The following PLCXD3 variants were observed in gnomAD, a reference collection of about 807,000 sequenced individuals.
The protein encoded by PLCXD3 is PI-PLC X domain-containing protein 3.
Under a neutral mutation model 25.5 loss-of-function variants are expected in PLCXD3, and 19 were observed. The observed-to-expected ratio is 0.75, with a 90% CI of 0.52 to 1.09. The LOEUF is 1.09. PLCXD3 is among the 50% of genes least tolerant of loss of function. The pLI, the probability that PLCXD3 is intolerant of heterozygous loss-of-function variation, is 0.00. For missense variants in PLCXD3, 411 were observed against 388.1 expected (o/e 1.06, Z -0.50); for synonymous variants, 174 against 137.6 (o/e 1.26, Z -1.85).
At chr5:41,338,664 C>T (rs1186516778) in intron 2 of PLCXD3, among the ~76,000 whole-genome samples, 1 of 152,108 alleles carries the variant, frequency 6.6e-6, no homozygotes, top group Non-Finnish European at 1.5e-5. Context: ...ACTAGATCTA[C>T]TTAGGTTAAT....
chr5:41,394,691 C>A (rs1391948809), intron 1 of PLCXD3, among the ~76,000 whole-genome samples: 2 of 151,856 alleles, frequency 1.3e-5, no homozygotes, highest in African/African-American at 4.8e-5. Flanking sequence ...AAATGGACTT[C>A]AAGACAAAAA....
chr5:41,351,086 G>A (rs967240538), intron 2 of PLCXD3, among the ~76,000 whole-genome samples: 1 of 152,120 alleles, frequency 6.6e-6, no homozygotes, highest in Non-Finnish European at 1.5e-5. Flanking sequence ...TATAAATTAT[G>A]TTTTATAAAC....
intron 2 of PLCXD3, among the ~76,000 whole-genome samples, chr5:41,370,891 A>C (rs1284485199): frequency 6.6e-6 from 1 of 152,190 alleles, no homozygotes; most frequent in Non-Finnish European, 1.5e-5. Flanking sequence ...AATCTTAAAA[A>C]ATCAGCAATT....
At chr5:41,359,360 T>C (rs369022473) in intron 2 of PLCXD3, among the ~76,000 whole-genome samples, 1 of 152,152 alleles carries the variant, frequency 6.6e-6, no homozygotes, top group African/African-American at 2.4e-5. Context: ...CTTTTTTTTA[T>C]TGGCAATTTT....
intron 1 of PLCXD3, among the ~76,000 whole-genome samples, chr5:41,491,622 G>T (rs56168149): frequency 6.6e-6 from 1 of 151,734 alleles, no homozygotes; most frequent in African/African-American, 2.4e-5. Context: ...GTGCTCCTGT[G>T]TTGGGTGCAT....
chr5:41,340,601 G>T (rs76947339), intron 2 of PLCXD3, among the ~76,000 whole-genome samples: 1 of 152,064 alleles, frequency 6.6e-6, no homozygotes, highest in East Asian at 1.9e-4. Context: ...GCGTGCATCC[G>T]TTGCTCATCA....
At chr5:41,395,959 C>A (rs1331649461) in intron 1 of PLCXD3, among the ~76,000 whole-genome samples, 2 of 151,062 alleles carry the variant, frequency 1.3e-5, no homozygotes, top group Admixed American at 1.3e-4. Context: ...TTCTATGAGG[C>A]CAGCATACCC....
At chr5:41,347,770 C>A (rs996413749) in intron 2 of PLCXD3, among the ~76,000 whole-genome samples, 1 of 152,148 alleles carries the variant, frequency 6.6e-6, no homozygotes, top group Non-Finnish European at 1.5e-5. Flanking sequence ...CAACTGGAGG[C>A]GCTATTATTC....
At chr5:41,436,862 G>C (rs1383075308) in intron 1 of PLCXD3, among the ~76,000 whole-genome samples, 2 of 152,134 alleles carry the variant, frequency 1.3e-5, no homozygotes, top group Non-Finnish European at 2.9e-5. Flanking sequence ...CTAAAGTTCA[G>C]TTATTTAATT....
intron 1 of PLCXD3, among the ~76,000 whole-genome samples, chr5:41,508,229 C>T (rs965598048): frequency 7.2e-5 from 11 of 152,150 alleles, no homozygotes; most frequent in Admixed American, 7.2e-4. Flanking sequence ...CTAAGATCAC[C>T]CAGATACCAA....
intron 1 of PLCXD3, among the ~76,000 whole-genome samples, chr5:41,467,512 C>T (rs1748045388): frequency 6.6e-6 from 1 of 152,242 alleles, no homozygotes; most frequent in Non-Finnish European, 1.5e-5. Context: ...CATCACTTCA[C>T]TTTGTTATTT....
In PLCXD3 at chr5:41,456,505, T is replaced by C. The variant is rs191995881; in HGVS notation, c.103+53919A>G. The C allele has an allele frequency of 3.2e-4, 267 of 823,698 alleles. No homozygotes were observed. In the East Asian group the frequency reaches 0.014, roughly 43 times the overall value. The allele number at this position is 823,698 out of a possible 1,614,324, so 51.0% of individuals were successfully genotyped here. On this transcript the variant is annotated intron_variant, in intron 1 of 2. Transcript: ENST00000377801. ...ATGAAAAATAAAATATACATTTATG[T>C]TGAAAAAAAAAGAAAAACAAGTTCT...
intron 1 of PLCXD3, among the ~76,000 whole-genome samples, chr5:41,497,869 C>G (rs907492675): frequency 1.3e-5 from 2 of 151,674 alleles, no homozygotes; most frequent in Non-Finnish European, 3.0e-5. Context: ...TCAACCACAA[C>G]TAGAAATCAA....
chr5:41,493,226 G>T (rs1193737770), intron 1 of PLCXD3, among the ~76,000 whole-genome samples: 3 of 152,188 alleles, frequency 2.0e-5, no homozygotes, highest in African/African-American at 7.2e-5. Context: ...GGTACCAGCA[G>T]GGGTGGCTGC....
rs1743079370 is a variant in PLCXD3, at chr5:41,309,679, A to G, written c.*3938T>C. 6.6e-6 allele frequency: 1 copy of G among 152,172 alleles called. No individual in the cohort carries two copies. Among genetic ancestry groups the G allele is most frequent in the African/African-American group, 2.4e-5 (1 of 41,450 alleles). 9.4% of individuals were successfully genotyped at this position (152,172 alleles called of 1,614,324 possible). On this transcript the variant is annotated 3_prime_UTR_variant, in exon 3 of 3. Coordinates refer to ENST00000377801, the MANE Select transcript of PLCXD3 (RefSeq NM_001005473.3). ...TAACCCTGGCTAAAAACATGTCAGAACTTCAAAGAACTTAAAACAACTTTA... is the reference window on the plus strand; with the variant it reads ...TAACCCTGGCTAAAAACATGTCAGAGCTTCAAAGAACTTAAAACAACTTTA...
At chr5:41,357,581 G>T (rs1744654144) in intron 2 of PLCXD3, among the ~76,000 whole-genome samples, 1 of 152,194 alleles carries the variant, frequency 6.6e-6, no homozygotes, top group South Asian at 2.1e-4. Context: ...TGACCAGGCA[G>T]TCAACCAGTG....
rs141376097 is a variant in PLCXD3, at chr5:41,442,192, A to G, written c.104-59658T>C. Among the ~76,000 whole-genome samples, 856 of 152,328 alleles carry G rather than the reference A, an allele frequency of 5.6e-3. 11 individuals are homozygous for G. Among genetic ancestry groups the G allele is most frequent in the African/African-American group, 0.02 (833 of 41,568 alleles). On this transcript the variant is annotated intron_variant, in intron 1 of 2. Transcript: ENST00000377801. ...CCCTCTCTATGCCATGATAATAGTG[A>G]ATTCTCCTTCTAAATCTGTATGTAA...
chr5:41,502,515 C>T (rs766255893), intron 1 of PLCXD3, among the ~76,000 whole-genome samples: 9 of 151,918 alleles, frequency 5.9e-5, no homozygotes, highest in Non-Finnish European at 1.3e-4. Context: ...GTAATCAGTA[C>T]AGATGAAGTA....
chr5:41,373,020 G>A (rs1745172982), intron 2 of PLCXD3, among the ~76,000 whole-genome samples: 1 of 152,048 alleles, frequency 6.6e-6, no homozygotes, highest in Non-Finnish European at 1.5e-5. Context: ...CTCCAGCCTG[G>A]GTGACAGGCT....
Sources: gnomAD v4.1 joint callset for allele counts (sites outside exome capture counted in the v4.1 genomes callset) on GRCh38, gnomAD v4.1.1 for gene constraint, MANE v1.5 for transcripts, NCBI Gene and HGNC (gene_info 2026-07-23, HGNC 2026-07-21) for gene names.